The following GRIA4 variants were observed in gnomAD, a reference collection of about 807,000 sequenced individuals.
The protein encoded by GRIA4 is glutamate ionotropic receptor AMPA type subunit 4, also known as glutamate receptor 4.
GRIA4 carries 34 observed loss-of-function variants against 104.0 expected under a neutral mutation model. The ratio of observed to expected loss-of-function variants is 0.33; its 90% CI spans 0.25 to 0.44. The LOEUF (loss-of-function observed/expected upper bound fraction) is 0.44. GRIA4 is among the 20% of genes least tolerant of loss of function. The probability of loss-of-function intolerance (pLI) is 1.00; values close to 1 mark genes in which losing one functional copy is unlikely to be tolerated. For synonymous variants in GRIA4, 386 were observed against 381.9 expected, an observed-to-expected ratio of 1.01 and a Z score of -0.13; for missense variants, 750 against 1,096.5, an observed-to-expected ratio of 0.68 and a Z score of 4.46.
At chr11:105,840,650 C>T (rs888697012) in intron 4 of GRIA4, among the ~76,000 whole-genome samples, 1 of 152,192 alleles carries the variant, frequency 6.6e-6, no homozygotes. Context: ...TATTATAAGA[C>T]TCTCCAGAAT....
chr11:105,806,927 T>C (rs1346178115), intron 4 of GRIA4, among the ~76,000 whole-genome samples: 1 of 151,534 alleles, frequency 6.6e-6, no homozygotes, highest in East Asian at 1.9e-4. Context: ...ATTGACAAAA[T>C]ATTTTAGAAA....
chr11:105,703,398 A>G (rs966827261), intron 3 of GRIA4, among the ~76,000 whole-genome samples: 3 of 152,186 alleles, frequency 2.0e-5, no homozygotes, highest in Admixed American at 6.6e-5. Flanking sequence ...TCCAGGGGAA[A>G]TGTTAAATAG....
intron 4 of GRIA4, among the ~76,000 whole-genome samples, chr11:105,783,956 T>G (rs1941845354): frequency 6.6e-6 from 1 of 152,160 alleles, no homozygotes; most frequent in Non-Finnish European, 1.5e-5. Flanking sequence ...GTAACCGAAT[T>G]ATTAGACCAG....
chr11:105,828,406 T>A (rs1943853567), intron 4 of GRIA4, among the ~76,000 whole-genome samples: 1 of 151,980 alleles, frequency 6.6e-6, no homozygotes. Flanking sequence ...ACATTAACCA[T>A]CACTACCCCT....
At position 105,610,903 on chromosome 11, in the gene GRIA4, T is replaced by TTTTTTTTTTTTC; in HGVS notation, c.-90-3_-90-2insTTTTTTTTTCTT. ...TTTTTTTTTTTTGGTTGATTTTAAT[T>TTTTTTTTTTTTC]TTAGCGCCATCGTCTTCAATGCTTC... On this transcript the variant is annotated splice_polypyrimidine_tract_variant and splice_region_variant and intron_variant, in intron 1 of 16. Coordinates refer to ENST00000282499, the MANE Select transcript of GRIA4 (RefSeq NM_000829.4). 1 of 519,368 alleles carries TTTTTTTTTTTTC rather than the reference T, an allele frequency of 1.9e-6. No homozygotes were observed. Among genetic ancestry groups the TTTTTTTTTTTTC allele is most frequent in the Non-Finnish European group, 3.4e-6 (1 of 296,106 alleles). The allele number at this position is 519,368 out of a possible 1,614,324, so 32.2% of individuals were successfully genotyped here. A position where few individuals can be genotyped will look rare whatever the true frequency, so the allele number is the denominator to read the frequency against.
intron 4 of GRIA4, among the ~76,000 whole-genome samples, chr11:105,811,473 T>A (rs1389406896): frequency 1.3e-5 from 2 of 152,016 alleles, no homozygotes; most frequent in Non-Finnish European, 2.9e-5. Flanking sequence ...CGAGGTCCCA[T>A]CCTGTCAGTG....
At chr11:105,839,220 T>C (rs1189648541) in intron 4 of GRIA4, among the ~76,000 whole-genome samples, 1 of 152,184 alleles carries the variant, frequency 6.6e-6, no homozygotes, top group Admixed American at 6.5e-5. Flanking sequence ...ATGTACTACT[T>C]TCCACTTTGT....
intron 4 of GRIA4, among the ~76,000 whole-genome samples, chr11:105,841,070 TG>T (rs1944374188): frequency 6.6e-6 from 1 of 152,116 alleles, no homozygotes; most frequent in Non-Finnish European, 1.5e-5. Flanking sequence ...TTTAAGCATT[TG>T]GTTTGCTCCA....
At chr11:105,624,486 T>C (rs1822983) in intron 3 of GRIA4, among the ~76,000 whole-genome samples, 137,847 of 152,102 alleles carry the variant, frequency 0.91, 62,849 homozygotes, top group East Asian at 0.98. Context: ...AAATGTATAA[T>C]GTTATTCCTT....
At chr11:105,888,641 G>A (rs1565318118) in intron 6 of GRIA4, among the ~76,000 whole-genome samples, 1 of 151,822 alleles carries the variant, frequency 6.6e-6, no homozygotes, top group African/African-American at 2.4e-5. Context: ...GCTTGAAACA[G>A]GAAAGAAACT....
intron 14 of GRIA4, among the ~76,000 whole-genome samples, chr11:105,948,030 GC>G (rs1210706182): frequency 1.3e-5 from 2 of 152,120 alleles, no homozygotes; most frequent in Non-Finnish European, 2.9e-5. Context: ...ACAGATGTGA[GC>G]CCCCATGTAT....
intron 4 of GRIA4, among the ~76,000 whole-genome samples, chr11:105,835,511 GC>G (rs1944143813): frequency 6.6e-6 from 1 of 151,940 alleles, no homozygotes; most frequent in Admixed American, 6.6e-5. Flanking sequence ...TTGAAATACA[GC>G]CATGTACACC....
intron 14 of GRIA4, among the ~76,000 whole-genome samples, chr11:105,952,186 T>C (rs900636245): frequency 2.0e-5 from 3 of 152,274 alleles, no homozygotes; most frequent in Admixed American, 6.5e-5. Flanking sequence ...ATAAATGTTA[T>C]TCGAATTTAG....
At chr11:105,924,910 A>T (rs1299949402) in intron 12 of GRIA4, 141 bp downstream of exon 12, 2 of 612,622 alleles carry the variant, frequency 3.3e-6, no homozygotes, top group East Asian at 5.4e-5. Context: ...CCAAATAGCA[A>T]TTTCTTCCAA....
intron 3 of GRIA4, among the ~76,000 whole-genome samples, chr11:105,710,516 A>G (rs1022124675): frequency 6.6e-6 from 1 of 152,152 alleles, no homozygotes; most frequent in Non-Finnish European, 1.5e-5. Flanking sequence ...AAAAAAAGAG[A>G]CATGAGTATC....
chr11:105,653,529 C>G (rs1395274940), intron 3 of GRIA4, among the ~76,000 whole-genome samples: 1 of 152,144 alleles, frequency 6.6e-6, no homozygotes, highest in African/African-American at 2.4e-5. Context: ...CAATTGAAAA[C>G]TTATGAATTA....
chr11:105,686,765 T>C (rs543577601), intron 3 of GRIA4, among the ~76,000 whole-genome samples: 42 of 152,288 alleles, frequency 2.8e-4, no homozygotes, highest in African/African-American at 8.9e-4. Context: ...GTAATAGCCA[T>C]TGTGACTGGT....
chr11:105,912,404 G>A, intron 10 of GRIA4: 1 of 959,270 alleles, frequency 1.0e-6, no homozygotes, highest in Non-Finnish European at 1.2e-6. Context: ...TAAAGGGACT[G>A]GACAAATAAA....
chr11:105,790,178 G>A (rs1251350490), intron 4 of GRIA4, among the ~76,000 whole-genome samples: 1 of 152,050 alleles, frequency 6.6e-6, no homozygotes, highest in African/African-American at 2.4e-5. Flanking sequence ...CAACAAGCTG[G>A]GTGGGAACTT....
Sources: allele counts gnomAD v4.1 joint callset (sites outside exome capture counted in the v4.1 genomes callset), GRCh38; gene constraint gnomAD v4.1.1; transcripts MANE v1.5; gene names NCBI Gene and HGNC (gene_info 2026-07-23, HGNC 2026-07-21).